The following INPP4B variants were observed in gnomAD, a reference collection of about 807,000 sequenced individuals.
The protein encoded by INPP4B is inositol polyphosphate 4-phosphatase type II.
A neutral mutation model predicts 122.5 loss-of-function variants in INPP4B; 55 were observed. The observed-to-expected ratio is 0.45, with a 90% CI of 0.36 to 0.56. INPP4B has a LOEUF of 0.56. Among genes scored for constraint, INPP4B ranks in the 20% least tolerant of loss-of-function variants. INPP4B has a pLI of 0.00. For missense variants in INPP4B, 1,000 were observed against 1,097.7 expected, an observed-to-expected ratio of 0.91 and a Z score of 1.26; for synonymous variants, 403 against 388.7, an observed-to-expected ratio of 1.04 and a Z score of -0.43.
At chr4:142,210,332 TC>T (rs1363979093) in intron 12 of INPP4B, among the ~76,000 whole-genome samples, 9 of 152,342 alleles carry the variant, frequency 5.9e-5, no homozygotes, top group African/African-American at 2.2e-4. Flanking sequence ...GCTGCAATTT[TC>T]ATCTGAGGTC....
intron 11 of INPP4B, among the ~76,000 whole-genome samples, chr4:142,255,553 C>G (rs1461922888): frequency 2.6e-5 from 4 of 152,074 alleles, no homozygotes; most frequent in Non-Finnish European, 5.9e-5. Flanking sequence ...GGGTTGCAAT[C>G]CTAGTTTCTG....
chr4:142,056,240 C>A (rs1560961650), intron 25 of INPP4B, among the ~76,000 whole-genome samples: 1 of 151,970 alleles, frequency 6.6e-6, no homozygotes, highest in Non-Finnish European at 1.5e-5. Flanking sequence ...GGTTGGGAAC[C>A]CCTGCTTTAA....
At chr4:142,692,926 G>GATAGATAGATAGATAGATAGATAC (rs1760406994) in intron 2 of INPP4B, among the ~76,000 whole-genome samples, 1 of 150,882 alleles carries the variant, frequency 6.6e-6, no homozygotes, top group Non-Finnish European at 1.5e-5. Flanking sequence ...TAGATAGATA[G>GATAGATAGATAGATAGATAGATAC]ATAGATAGAT....
chr4:142,419,900 G>T (rs1188631589), intron 5 of INPP4B, among the ~76,000 whole-genome samples: 2 of 151,960 alleles, frequency 1.3e-5, no homozygotes, highest in African/African-American at 4.8e-5. Context: ...TTTACAGAAA[G>T]CAAAAGCATC....
chr4:142,183,336 C>T (rs1831714044), intron 15 of INPP4B, among the ~76,000 whole-genome samples: 1 of 152,192 alleles, frequency 6.6e-6, no homozygotes, highest in Non-Finnish European at 1.5e-5. Context: ...TTAATGTAAG[C>T]CTCATCACAA....
rs186240370 is a variant in INPP4B, at chr4:142,067,582, A to G, written c.2642+14449T>C. On this transcript the variant is annotated intron_variant, in intron 25 of 25. Transcript: ENST00000262992. ...CATTGCAAGGAAGCTAAAAACCTTG[A>G]AAAAAGATTAGATGAATGGCTAACT... Among the ~76,000 whole-genome samples the G allele has an allele frequency of 4.9e-4, 74 of 152,274 alleles. 1 individual carries two copies. The East Asian group carries it at 0.014, about 29-fold the overall frequency.
chr4:142,201,321 G>T (rs1432533166), intron 14 of INPP4B, among the ~76,000 whole-genome samples: 4 of 152,014 alleles, frequency 2.6e-5, no homozygotes, highest in Non-Finnish European at 4.4e-5. Flanking sequence ...CTTTAATTGA[G>T]ATATTTTCCC....
intron 18 of INPP4B, among the ~76,000 whole-genome samples, chr4:142,129,355 T>C (rs980583155): frequency 6.6e-6 from 1 of 152,214 alleles, no homozygotes; most frequent in African/African-American, 2.4e-5. Flanking sequence ...ATGCCTTACA[T>C]CAACCCAAAT....
chr4:142,063,813 T>C (rs570094803), intron 25 of INPP4B, among the ~76,000 whole-genome samples: 1 of 152,232 alleles, frequency 6.6e-6, no homozygotes, highest in Non-Finnish European at 1.5e-5. Context: ...AAAATACCCA[T>C]AAAAATATTT....
chr4:142,796,497 G>A (rs988015315), intron 1 of INPP4B, among the ~76,000 whole-genome samples: 6 of 152,028 alleles, frequency 3.9e-5, no homozygotes, highest in Admixed American at 3.9e-4. Context: ...CAGTAGACAC[G>A]GTTGATAGCA....
intron 25 of INPP4B, among the ~76,000 whole-genome samples, chr4:142,053,613 CTTTACTTTAGA>C (rs1755859654): frequency 1.3e-5 from 2 of 151,606 alleles, no homozygotes; most frequent in Non-Finnish European, 2.9e-5. Flanking sequence ...TCAGAAAATA[CTTTACTTTAGA>C]TATGCCGGAG....
intron 2 of INPP4B, among the ~76,000 whole-genome samples, chr4:142,507,277 A>C (rs1489245949): frequency 6.6e-6 from 1 of 152,150 alleles, no homozygotes; most frequent in Non-Finnish European, 1.5e-5. Flanking sequence ...GCTCAAGCTA[A>C]ATACTCAGTA....
intron 5 of INPP4B, chr4:142,423,821 T>TAA (rs61368063): frequency 3.5e-4 from 127 of 360,280 alleles, no homozygotes; most frequent in Admixed American, 7.2e-4. Context: ...TAATTTCCTA[T>TAA]AAAAAAAAAA....
intron 12 of INPP4B, among the ~76,000 whole-genome samples, chr4:142,212,853 G>A (rs1845494297): frequency 6.6e-6 from 1 of 152,104 alleles, no homozygotes; most frequent in African/African-American, 2.4e-5. Context: ...TGAGTCCTGG[G>A]TATGATAAAT....
intron 2 of INPP4B, among the ~76,000 whole-genome samples, chr4:142,515,856 A>C (rs937546186): frequency 7.9e-5 from 12 of 152,178 alleles, no homozygotes; most frequent in African/African-American, 2.9e-4. Context: ...TTCTTGAAAA[A>C]ATTTAAATGC....
intron 9 of INPP4B, among the ~76,000 whole-genome samples, chr4:142,294,967 G>C (rs533098322): frequency 6.6e-6 from 1 of 151,732 alleles, no homozygotes; most frequent in South Asian, 2.1e-4. Flanking sequence ...AAGGGAAAGA[G>C]GACATATAAA....
chr4:142,370,720 AT>A (rs1789584442), intron 7 of INPP4B, among the ~76,000 whole-genome samples: 1 of 152,116 alleles, frequency 6.6e-6, no homozygotes, highest in Non-Finnish European at 1.5e-5. Context: ...CTAGGAATAA[AT>A]TTAACCAAGG....
At chr4:142,256,893 A>G (rs1351517445) in intron 11 of INPP4B, among the ~76,000 whole-genome samples, 6 of 152,150 alleles carry the variant, frequency 3.9e-5, no homozygotes, top group Non-Finnish European at 7.3e-5. Context: ...CTGGGCAGAG[A>G]CACAACCAAA....
intron 2 of INPP4B, among the ~76,000 whole-genome samples, chr4:142,644,262 CAGG>C (rs1308351752): frequency 8.8e-6 from 1 of 114,048 alleles, no homozygotes; most frequent in East Asian, 2.5e-4. Flanking sequence ...GGAAGGGGGT[CAGG>C]AGGAGGAGGA....
Sources: gnomAD v4.1 joint callset for allele counts (sites outside exome capture counted in the v4.1 genomes callset) on GRCh38, gnomAD v4.1.1 for gene constraint, MANE v1.5 for transcripts, NCBI Gene and HGNC (gene_info 2026-07-23, HGNC 2026-07-21) for gene names.